Variants in SLC25A17 observed in about 807,000 individuals in gnomAD.
SLC25A17 encodes peroxisomal membrane protein PMP34.
Under a neutral mutation model 38.5 loss-of-function variants are expected in SLC25A17, and 26 were observed. The observed-to-expected ratio is 0.68, with a 90% CI of 0.50 to 0.94. SLC25A17 has a LOEUF of 0.94. SLC25A17 is among the 40% of genes least tolerant of loss of function. The pLI is 0.00. For missense variants in SLC25A17, 333 were observed against 372.7 expected (o/e 0.89, Z 0.88); for synonymous variants, 139 against 136.2 (o/e 1.02, Z -0.14).
rs2145637028 is a variant in SLC25A17 at position 40,770,647 on chromosome 22, C to CA, written c.*186dup. The CA allele has an allele frequency of 2.2e-6, 1 of 444,572 alleles. No homozygotes were observed. The highest frequency in any genetic ancestry group is 3.6e-5 in the East Asian group (1 of 27,564). The allele number at this position is 444,572 out of a possible 1,614,324, so 27.5% of individuals were successfully genotyped here. A position where few individuals can be genotyped will look rare whatever the true frequency, so the allele number is the denominator to read the frequency against. On this transcript the variant is annotated 3_prime_UTR_variant, in exon 9 of 9. Coordinates refer to ENST00000435456, the MANE Select transcript of SLC25A17 (RefSeq NM_006358.4). ...ACTGCCACCCCAAAATCCAACCAGC[C>CA]AGCATGACAATTAAGGTGACAACAG...
At position 40,769,637 on chromosome 22, in the gene SLC25A17, C is replaced by T. The variant is rs564564368; in HGVS notation, c.*1197G>A. 3.3e-5 allele frequency: 5 copies of T among 152,310 alleles called. 1 individual carries two copies. Among genetic ancestry groups the T allele is most frequent in the African/African-American group, 1.2e-4 (5 of 41,574 alleles). The allele number at this position is 152,310 out of a possible 1,614,324, so 9.4% of individuals were successfully genotyped here. The stretch of plus-strand genomic sequence containing the variant: ...GATGACATACGACTCCTAGATTTTT[C>T]AGAGGTTGTTTTAATACATTAATCT... On this transcript the variant is annotated 3_prime_UTR_variant, in exon 9 of 9. Transcript: ENST00000435456.
chr22:40,808,004 G>A (rs2057545001), intron 1 of SLC25A17, among the ~76,000 whole-genome samples: 1 of 151,736 alleles, frequency 6.6e-6, no homozygotes, highest in South Asian at 2.1e-4. Flanking sequence ...TTTCCCCTGA[G>A]GACTGTCTGT....
chr22:40,781,432 A>G (rs1383813764), intron 4 of SLC25A17, among the ~76,000 whole-genome samples: 1 of 152,080 alleles, frequency 6.6e-6, no homozygotes, highest in African/African-American at 2.4e-5. Flanking sequence ...TTTTTAGTAG[A>G]GACGGGGTTT....
chr22:40,805,463 C>A (rs2057521781), intron 1 of SLC25A17, among the ~76,000 whole-genome samples: 1 of 152,176 alleles, frequency 6.6e-6, no homozygotes, highest in Non-Finnish European at 1.5e-5. Flanking sequence ...AGCCACTAGC[C>A]AAGGAATGTG....
chr22:40,776,070 A>C, intron 7 of SLC25A17: 1 of 272,874 alleles, frequency 3.7e-6, no homozygotes, highest in South Asian at 3.6e-5. Context: ...TTCCTTCTCA[A>C]AGAAGCCCAC....
chr22:40,793,497 GA>G (rs1191296643), intron 3 of SLC25A17, among the ~76,000 whole-genome samples: 1 of 152,148 alleles, frequency 6.6e-6, no homozygotes, highest in Non-Finnish European at 1.5e-5. Context: ...TGTGAGTCAA[GA>G]TGTGATATCT....
chr22:40,782,319 C>A (rs2057302481), intron 4 of SLC25A17, among the ~76,000 whole-genome samples: 1 of 152,194 alleles, frequency 6.6e-6, no homozygotes, highest in South Asian at 2.1e-4. Context: ...TAATACTTTA[C>A]CTACCAAAGG....
At chr22:40,799,200 A>G in intron 1 of SLC25A17, 117 bp from the exon 2 acceptor site, 1 of 323,682 alleles carries the variant, frequency 3.1e-6, no homozygotes, top group Non-Finnish European at 5.5e-6. Context: ...GGTTTACGGC[A>G]GCCTTGAACT....
At chr22:40,801,325 T>C (rs1483197202) in intron 1 of SLC25A17, among the ~76,000 whole-genome samples, 1 of 151,870 alleles carries the variant, frequency 6.6e-6, no homozygotes, top group African/African-American at 2.4e-5. Flanking sequence ...CCTATCAGCT[T>C]ACAATTGGTT....
At chr22:40,790,725 A>G (rs2057378454) in intron 4 of SLC25A17, among the ~76,000 whole-genome samples, 1 of 152,182 alleles carries the variant, frequency 6.6e-6, no homozygotes, top group Non-Finnish European at 1.5e-5. Context: ...AAAGCAAAAG[A>G]TTTCAACATA....
chr22:40,787,953 G>A (rs542308395), intron 4 of SLC25A17, among the ~76,000 whole-genome samples: 5 of 152,102 alleles, frequency 3.3e-5, no homozygotes, highest in Admixed American at 2.0e-4. Flanking sequence ...ATGGGGTCTC[G>A]CTATGTTGCC....
intron 1 of SLC25A17, 110 bp downstream of exon 1, chr22:40,819,085 C>T: frequency 8.4e-7 from 1 of 1,193,652 alleles, no homozygotes; most frequent in Non-Finnish European, 1.2e-6. Context: ...GACAGTGGAC[C>T]CCAACCCACA....
At chr22:40,780,529 T>C (rs1322055434) in intron 4 of SLC25A17, among the ~76,000 whole-genome samples, 1 of 152,228 alleles carries the variant, frequency 6.6e-6, no homozygotes, top group East Asian at 1.9e-4. Context: ...TATTAACACA[T>C]TCCTGTTTGC....
At chr22:40,784,874 G>A (rs985044558) in intron 4 of SLC25A17, among the ~76,000 whole-genome samples, 1 of 151,670 alleles carries the variant, frequency 6.6e-6, no homozygotes, top group Non-Finnish European at 1.5e-5. Flanking sequence ...TGGATCTTGT[G>A]CCAATCATAG....
chr22:40,812,389 G>C (rs572964692), intron 1 of SLC25A17, among the ~76,000 whole-genome samples: 11 of 152,304 alleles, frequency 7.2e-5, no homozygotes, highest in African/African-American at 2.6e-4. Flanking sequence ...GGTAAATCTG[G>C]TCAAGACTTG....
At chr22:40,778,570 A>T (rs1366224465) in intron 5 of SLC25A17, among the ~76,000 whole-genome samples, 2 of 151,596 alleles carry the variant, frequency 1.3e-5, no homozygotes, top group Non-Finnish European at 2.9e-5. Flanking sequence ...TGCAGCTTTT[A>T]TTTTTTTTTA....
At chr22:40,798,955 A>T in intron 2 of SLC25A17, 68 bp downstream of exon 2, 1 of 1,184,426 alleles carries the variant, frequency 8.4e-7, no homozygotes, top group Non-Finnish European at 1.2e-6. Context: ...AAAAAAAAAA[A>T]AAAGAAATTA....
intron 3 of SLC25A17, among the ~76,000 whole-genome samples, chr22:40,793,859 C>T (rs972567011): frequency 2.4e-4 from 37 of 152,274 alleles, no homozygotes; most frequent in African/African-American, 8.4e-4. Flanking sequence ...GATCCGCCTG[C>T]CTCGGCCTCC....
intron 1 of SLC25A17, among the ~76,000 whole-genome samples, chr22:40,809,485 T>C (rs1412816996): frequency 8.4e-6 from 1 of 119,044 alleles, no homozygotes; most frequent in African/African-American, 3.2e-5. Context: ...AAAAAAAAAT[T>C]AGCCAGCGTG....
Sources: gnomAD v4.1 joint callset for allele counts (sites outside exome capture counted in the v4.1 genomes callset) on GRCh38, gnomAD v4.1.1 for gene constraint, MANE v1.5 for transcripts, NCBI Gene and HGNC (gene_info 2026-07-23, HGNC 2026-07-21) for gene names.